FRA10AC1: variants seen among roughly 807,000 people sequenced by gnomAD.
FRA10AC1 encodes protein FRA10AC1.
Under a neutral mutation model 56.5 loss-of-function variants are expected in FRA10AC1, and 43 were observed. The observed-to-expected ratio is 0.76, with a 90% CI of 0.60 to 0.98. The LOEUF is 0.98. Ranked by LOEUF, FRA10AC1 falls within the 50% of genes least tolerant of loss-of-function variation. FRA10AC1 has a pLI of 0.00. For synonymous variants in FRA10AC1, 112 were observed against 110.5 expected, an observed-to-expected ratio of 1.01 and a Z score of -0.09; for missense variants, 346 against 351.8, an observed-to-expected ratio of 0.98 and a Z score of 0.13.
Position 93,684,065 on chromosome 10 carries a change from A to AAATTT in FRA10AC1, c.654_658dup (p.Phe220Ter). The AAATTT allele has an allele frequency of 6.2e-7, 1 of 1,604,470 alleles. No homozygotes were observed. ...TTTTAAAAGACATTACCTGTGATGGAAATTTAATTTAATGGAACATTCTTG... is the reference window on the plus strand; with the variant it reads ...TTTTAAAAGACATTACCTGTGATGGAAATTTAATTTAATTTAATGGAACATTCTTG... On this transcript the variant is annotated stop_gained and frameshift_variant, in exon 10 of 14. Coordinates refer to ENST00000359204, the MANE Select transcript of FRA10AC1 (RefSeq NM_145246.5). LOFTEE classifies it high-confidence loss of function.
chr10:93,691,889 C>A, intron 7 of FRA10AC1, 120 bp downstream of exon 7: 1 of 1,089,924 alleles, frequency 9.2e-7, no homozygotes, highest in South Asian at 1.7e-5. Flanking sequence ...ATCATAAACG[C>A]AGGACAACTG....
chr10:93,681,162 AC>A (rs1268485137), intron 11 of FRA10AC1, among the ~76,000 whole-genome samples: 1 of 152,198 alleles, frequency 6.6e-6, no homozygotes. Flanking sequence ...ACCCCTATAC[AC>A]ATAAGAAAAA....
intron 12 of FRA10AC1, chr10:93,673,143 T>C: frequency 3.1e-6 from 1 of 319,960 alleles, no homozygotes; most frequent in South Asian, 2.6e-5. Context: ...AGGCAGCCCA[T>C]TTCTCCATTC....
intron 6 of FRA10AC1, 53 bp downstream of exon 6, chr10:93,692,593 A>G (rs757344367): frequency 1.7e-6 from 2 of 1,143,918 alleles, no homozygotes; most frequent in Non-Finnish European, 2.6e-6. Flanking sequence ...CTCAGAAAAC[A>G]GGAGAAACAG....
chr10:93,690,823 C>G (rs2059113453), intron 7 of FRA10AC1, among the ~76,000 whole-genome samples: 1 of 152,054 alleles, frequency 6.6e-6, no homozygotes, highest in South Asian at 2.1e-4. Context: ...ATAACTAGTT[C>G]ATAAGAAACA....
intron 3 of FRA10AC1, 49 bp from the exon 4 acceptor site, chr10:93,698,230 T>C: frequency 6.6e-7 from 1 of 1,511,180 alleles, no homozygotes; most frequent in Non-Finnish European, 9.1e-7. Context: ...TATATTCAAA[T>C]TAACATAATC....
rs1324888422 is a variant in FRA10AC1, at chr10:93,668,440, G to T, written c.*1386C>A. 1 of 152,068 alleles carries T rather than the reference G, an allele frequency of 6.6e-6. No individual in the cohort carries two copies. The highest frequency in any genetic ancestry group is 2.4e-5 in the African/African-American group (1 of 41,412). 9.4% of individuals were successfully genotyped at this position (152,068 alleles called of 1,614,324 possible). On this transcript the variant is annotated 3_prime_UTR_variant, in exon 14 of 14. Transcript: ENST00000359204. ...AGAAGTTTGCACAGATTCTAAAAAG[G>T]CTTGGATCTCCTGAAGCACCTCCAT...
upstream of FRA10AC1, chr10:93,702,927 A>G (rs192839297): frequency 2.2e-5 from 10 of 453,924 alleles, no homozygotes; most frequent in Admixed American, 2.4e-4. Flanking sequence ...GGATCCTCTC[A>G]GAGCAGCTCA....
chr10:93,698,268 C>T, intron 3 of FRA10AC1, 33 bp downstream of exon 3: 1 of 1,540,680 alleles, frequency 6.5e-7, no homozygotes, highest in Non-Finnish European at 9.0e-7. Flanking sequence ...GCAACTTAAA[C>T]CAAGAAATAG....
intron 8 of FRA10AC1, among the ~76,000 whole-genome samples, chr10:93,686,439 T>C (rs1276113966): frequency 6.6e-6 from 1 of 151,844 alleles, no homozygotes; most frequent in Non-Finnish European, 1.5e-5. Context: ...GGTAGCATTA[T>C]AAACTCACCT....
intron 11 of FRA10AC1, among the ~76,000 whole-genome samples, chr10:93,678,473 C>T (rs757813861): frequency 2.0e-5 from 3 of 152,078 alleles, no homozygotes; most frequent in Non-Finnish European, 4.4e-5. Context: ...CTAGAGAAAT[C>T]TAGGTAAGAG....
intron 3 of FRA10AC1, 32 bp from the exon 4 acceptor site, chr10:93,698,213 A>G: frequency 1.3e-6 from 2 of 1,524,846 alleles, no homozygotes; most frequent in Non-Finnish European, 9.0e-7. Flanking sequence ...AGAAAATTCA[A>G]AATGTTTATA....
rs191384708 is a variant in FRA10AC1 at position 93,691,304 on chromosome 10, T to C, written c.465+705A>G. On this transcript the variant is annotated intron_variant, in intron 7 of 13. Coordinates refer to ENST00000359204, the MANE Select transcript of FRA10AC1 (RefSeq NM_145246.5). ...AACCTTCTAACCTCAGCCTCCCAAGTAGCTAGAACTATAGGCATGCACCAC... is the reference window on the plus strand; with the variant it reads ...AACCTTCTAACCTCAGCCTCCCAAGCAGCTAGAACTATAGGCATGCACCAC... Among the ~76,000 whole-genome samples, 7 of 152,190 alleles carry C rather than the reference T, an allele frequency of 4.6e-5. No homozygotes were observed. The East Asian group carries it at 7.7e-4, about 17-fold the overall frequency.
chr10:93,701,552 A>G (rs2059332065), intron 1 of FRA10AC1, among the ~76,000 whole-genome samples: 1 of 152,156 alleles, frequency 6.6e-6, no homozygotes, highest in South Asian at 2.1e-4. Context: ...GTGTGGGTAT[A>G]TACCTCTCTT....
At position 93,697,788 on chromosome 10, in the gene FRA10AC1, C is replaced by T. The variant is rs78318174; in HGVS notation, c.219+348G>A. On this transcript the variant is annotated intron_variant, in intron 4 of 13. Coordinates refer to ENST00000359204, the MANE Select transcript of FRA10AC1 (RefSeq NM_145246.5). ...ATAGAGACCTTAAATAGCAAAGAAC[C>T]AGGTAGGAAGAGAATAAATTAAAAT... Among the ~76,000 whole-genome samples the T allele has an allele frequency of 4.9e-4, 74 of 151,872 alleles. 5 individuals carry two copies. In the East Asian group the frequency reaches 0.014, roughly 29 times the overall value.
At chr10:93,682,714 A>G (rs2058957389) in intron 10 of FRA10AC1, among the ~76,000 whole-genome samples, 1 of 152,196 alleles carries the variant, frequency 6.6e-6, no homozygotes, top group South Asian at 2.1e-4. Flanking sequence ...CTGAGGTGTG[A>G]GGATCACTTG....
At chr10:93,690,350 T>A (rs1176508824) in intron 7 of FRA10AC1, among the ~76,000 whole-genome samples, 4 of 152,240 alleles carry the variant, frequency 2.6e-5, no homozygotes, top group African/African-American at 9.6e-5. Flanking sequence ...CAATCACTCA[T>A]CATGTTCTAG....
chr10:93,679,228 T>C (rs2133904296), intron 11 of FRA10AC1, among the ~76,000 whole-genome samples: 1 of 152,340 alleles, frequency 6.6e-6, no homozygotes, highest in East Asian at 1.9e-4. Flanking sequence ...TGGTCTTCTA[T>C]CCCTGAAGAA....
chr10:93,699,171 T>C (rs773993122), intron 2 of FRA10AC1, among the ~76,000 whole-genome samples: 6 of 152,242 alleles, frequency 3.9e-5, no homozygotes, highest in Non-Finnish European at 8.8e-5. Flanking sequence ...CAAATTCTAT[T>C]CTTACAAAGT....
Sources: allele counts gnomAD v4.1 joint callset (sites outside exome capture counted in the v4.1 genomes callset), GRCh38; gene constraint gnomAD v4.1.1; transcripts MANE v1.5; gene names NCBI Gene and HGNC (gene_info 2026-07-23, HGNC 2026-07-21).